The following TJP1 variants were observed in gnomAD, a reference collection of about 807,000 sequenced individuals.
TJP1 encodes tight junction protein 1, also known as tight junction protein ZO-1.
In TJP1, 43 loss-of-function variants were observed where a neutral mutation model predicts 194.2. The observed-to-expected ratio is 0.22, with a 90% CI of 0.17 to 0.29. The LOEUF is 0.29. TJP1 is among the 10% of genes least tolerant of loss of function. TJP1 has a pLI of 1.00. For missense variants in TJP1, 1,971 were observed against 2,185.7 expected (o/e 0.90, Z 1.96); for synonymous variants, 801 against 779.0 (o/e 1.03, Z -0.47).
At chr15:29,891,235 C>T (rs191474972) in intron 2 of TJP1, among the ~76,000 whole-genome samples, 6 of 152,324 alleles carry the variant, frequency 3.9e-5, no homozygotes, top group African/African-American at 1.4e-4. Context: ...GCATCAAATG[C>T]AGTGCCTGGT....
intron 1 of TJP1, among the ~76,000 whole-genome samples, chr15:29,809,841 C>G (rs1213142864): frequency 6.9e-6 from 1 of 144,770 alleles, no homozygotes; most frequent in Non-Finnish European, 1.6e-5. Flanking sequence ...GAGCGAAACT[C>G]CGTCTTAAAA....
At chr15:29,756,106 T>G (rs2045628481) in intron 8 of TJP1, among the ~76,000 whole-genome samples, 1 of 152,108 alleles carries the variant, frequency 6.6e-6, no homozygotes, top group Non-Finnish European at 1.5e-5. Flanking sequence ...TCTCTACTTA[T>G]GCAGGGACTA....
chr15:29,723,177 G>C (rs1282917107), intron 18 of TJP1, among the ~76,000 whole-genome samples: 3 of 152,182 alleles, frequency 2.0e-5, no homozygotes, highest in Non-Finnish European at 4.4e-5. Context: ...AGAAGGACAT[G>C]AAATTTGGGA....
At chr15:29,953,140 A>ATTTTTTTTTTTTTTTTTTTTTTTT (rs71416442) in intron 2 of TJP1, among the ~76,000 whole-genome samples, 1 of 110,978 alleles carries the variant, frequency 9.0e-6, no homozygotes, top group African/African-American at 3.2e-5. Flanking sequence ...AAGAAGACAG[A>ATTTTTTTTTTTTTTTTTTTTTTTT]TTTTTTTTTT....
chr15:29,803,035 A>G (rs960877366), intron 1 of TJP1, among the ~76,000 whole-genome samples: 1 of 152,184 alleles, frequency 6.6e-6, no homozygotes, highest in Non-Finnish European at 1.5e-5. Context: ...CAGCGTGTAC[A>G]TGGTTATCCT....
intron 1 of TJP1, among the ~76,000 whole-genome samples, chr15:29,802,717 G>A (rs950667889): frequency 1.2e-4 from 18 of 152,132 alleles, no homozygotes; most frequent in African/African-American, 4.3e-4. Flanking sequence ...TGCAAGAGTT[G>A]CCAGTTTGTC....
exon 1 of TJP1, chr15:29,968,866 AC>A: frequency 2.0e-6 from 1 of 493,290 alleles, no homozygotes; most frequent in Non-Finnish European, 2.7e-6. Context: ...ATCCGCCGCC[AC>A]CACAGCTCCC....
At chr15:29,858,354 T>A (rs762457249) in intron 2 of TJP1, among the ~76,000 whole-genome samples, 7 of 151,598 alleles carry the variant, frequency 4.6e-5, no homozygotes, top group Non-Finnish European at 8.8e-5. Context: ...TGAGCCGAAA[T>A]TGCACCACTG....
intron 2 of TJP1, among the ~76,000 whole-genome samples, chr15:29,899,613 T>C (rs554435518): frequency 2.0e-5 from 3 of 152,186 alleles, no homozygotes; most frequent in Non-Finnish European, 4.4e-5. Context: ...CCCAACCTCA[T>C]CTTCAGTAAA....
Position 29,701,558 on chromosome 15 carries a change from C to A in TJP1, c.*37G>T. 1 of 1,526,286 alleles carries A rather than the reference C, an allele frequency of 6.6e-7. No homozygotes were observed. The highest frequency in any genetic ancestry group is 9.1e-7 in the Non-Finnish European group (1 of 1,101,504). The allele number at this position is 1,526,286 out of a possible 1,614,324, so 94.5% of individuals were successfully genotyped here. On this transcript the variant is annotated 3_prime_UTR_variant, in exon 28 of 28. Coordinates refer to ENST00000614355, the MANE Select transcript of TJP1 (RefSeq NM_001330239.4). ...TGGTTCCATTTAGATTAAGTTTAAT[C>A]CAGTTTCACATTATTTAAGTTCCTA...
chr15:29,719,809 G>C lies in TJP1; in HGVS notation c.2971C>G (p.Pro991Ala). ...AAHIMLRDQE[P>A]SLSSHVDPTK... is the part of the protein sequence containing the mutation. ...GGATCTACATGCGACGACAATGATG[G>C]TTCTTGATCTCTTAGCATTATGTGA... The change falls in exon 20 of 28, where the codon CCA (proline) becomes GCA (alanine). Residue 991 changes from proline to alanine, a missense_variant. Physicochemically the swap from Pro to Ala is conservative, Grantham distance 27. Coordinates refer to ENST00000614355, the MANE Select transcript of TJP1 (RefSeq NM_001330239.4). 1 of 1,614,102 alleles carries C rather than the reference G, an allele frequency of 6.2e-7. No individual in the cohort carries two copies. Among genetic ancestry groups the C allele is most frequent in the Non-Finnish European group, 8.5e-7 (1 of 1,180,008 alleles).
At chr15:29,930,856 T>C (rs1216239054) in intron 2 of TJP1, among the ~76,000 whole-genome samples, 1 of 152,170 alleles carries the variant, frequency 6.6e-6, no homozygotes, top group Admixed American at 6.5e-5. Context: ...AGAATTAAAA[T>C]GAAAGGTTCC....
chr15:29,905,556 T>G (rs1419541355), intron 2 of TJP1, among the ~76,000 whole-genome samples: 1 of 152,206 alleles, frequency 6.6e-6, no homozygotes, highest in Non-Finnish European at 1.5e-5. Context: ...AAAATCTGCA[T>G]ATGAATGTTT....
At chr15:29,949,854 CCACA>C (rs2055583209) in intron 2 of TJP1, among the ~76,000 whole-genome samples, 2 of 86,648 alleles carry the variant, frequency 2.3e-5, no homozygotes, top group Non-Finnish European at 4.5e-5. Context: ...ACCACCACCT[CCACA>C]ACCACCACCT....
In TJP1 at chr15:29,774,643, T is replaced by C. The variant is rs867593941; in HGVS notation, c.85-1286A>G. Among the ~76,000 whole-genome samples the C allele has an allele frequency of 5.5e-4, 84 of 151,948 alleles. 1 individual carries two copies. The highest frequency in any genetic ancestry group is 6.8e-3 in the Middle Eastern group (2 of 294). ...AATTCAATGGGAGGTGTTTTTTTTT[T>C]CCCCAGTAATGAAAATGTTTTAAAA... On this transcript the variant is annotated intron_variant, in intron 2 of 27. Coordinates refer to ENST00000614355, the MANE Select transcript of TJP1 (RefSeq NM_001330239.4).
intron 2 of TJP1, among the ~76,000 whole-genome samples, chr15:29,837,532 T>C (rs1596075837): frequency 6.6e-6 from 1 of 152,154 alleles, no homozygotes; most frequent in Non-Finnish European, 1.5e-5. Context: ...CACTCCAGCC[T>C]AGGCAACAAA....
chr15:29,725,156 G>A (rs1434236127), intron 18 of TJP1, among the ~76,000 whole-genome samples: 1 of 152,202 alleles, frequency 6.6e-6, no homozygotes, highest in Non-Finnish European at 1.5e-5. Flanking sequence ...GTAAAGTGGT[G>A]TGGTTTGTTT....
At chr15:29,735,862 A>G (rs1472750896) in intron 11 of TJP1, among the ~76,000 whole-genome samples, 1 of 152,150 alleles carries the variant, frequency 6.6e-6, no homozygotes, top group African/African-American at 2.4e-5. Context: ...TGAAGGGAAA[A>G]GGAGGAGGAT....
At chr15:29,836,498 C>A (rs571086328) in intron 2 of TJP1, among the ~76,000 whole-genome samples, 18 of 152,226 alleles carry the variant, frequency 1.2e-4, no homozygotes, top group African/African-American at 3.9e-4. Context: ...GTCTCCATCT[C>A]CTGACCTCGT....
Sources: allele counts gnomAD v4.1 joint callset (sites outside exome capture counted in the v4.1 genomes callset), GRCh38; gene constraint gnomAD v4.1.1; transcripts MANE v1.5; gene names NCBI Gene and HGNC (gene_info 2026-07-23, HGNC 2026-07-21).